The following FMN1 variants were observed in gnomAD, a reference collection of about 807,000 sequenced individuals.
The protein encoded by FMN1 is formin-1.
In FMN1, 110 loss-of-function variants were observed where a neutral mutation model predicts 132.4. That is an observed-to-expected ratio of 0.83 (90% CI 0.71 to 0.97). The LOEUF (loss-of-function observed/expected upper bound fraction) is 0.97, where lower values mean the gene tolerates loss of function less well. FMN1 is among the 50% of genes least tolerant of loss of function. FMN1 has a pLI of 0.00. For missense variants in FMN1, 1,792 were observed against 1,705.3 expected, an observed-to-expected ratio of 1.05 and a Z score of -0.90; for synonymous variants, 722 against 651.7, an observed-to-expected ratio of 1.11 and a Z score of -1.64.
intron 6 of FMN1, among the ~76,000 whole-genome samples, chr15:33,056,585 G>A (rs749826774): frequency 4.6e-5 from 7 of 152,042 alleles, no homozygotes; most frequent in Admixed American, 6.6e-5. Flanking sequence ...CCTCCATTTG[G>A]GTTACAGTTC....
chr15:32,978,458 AT>A (rs1252455184), intron 7 of FMN1, among the ~76,000 whole-genome samples: 1 of 152,174 alleles, frequency 6.6e-6, no homozygotes, highest in African/African-American at 2.4e-5. Flanking sequence ...TTCAGACTCT[AT>A]TTTTCCAAAA....
chr15:33,129,158 C>A (rs1346723182), intron 4 of FMN1, among the ~76,000 whole-genome samples: 1 of 152,200 alleles, frequency 6.6e-6, no homozygotes, highest in African/African-American at 2.4e-5. Flanking sequence ...TTTTAAAGCT[C>A]AATGTAACTC....
At chr15:33,065,210 A>G in intron 5 of FMN1, 136 bp from the exon 6 acceptor site, 1 of 545,930 alleles carries the variant, frequency 1.8e-6, no homozygotes, top group Non-Finnish European at 3.2e-6. Flanking sequence ...TATAATTCAG[A>G]TATCTCACTA....
At chr15:32,874,063 C>G (rs1336394717) in intron 16 of FMN1, among the ~76,000 whole-genome samples, 1 of 139,768 alleles carries the variant, frequency 7.2e-6, no homozygotes, top group African/African-American at 2.7e-5. Context: ...CTGTCAGTCA[C>G]CAGGCTGCAG....
rs113124267 is a variant in FMN1, at chr15:32,877,571, C to G, written c.3835+10601G>C. 5.3e-5 allele frequency among the ~76,000 whole-genome samples: 8 copies of G among 152,240 alleles called. 1 individual carries two copies. Among genetic ancestry groups the G allele is most frequent in the African/African-American group, 1.9e-4 (8 of 41,548 alleles). ...GAAATAGCATAGTAAGAATAATCAT[C>G]TCAGAAATTCAGGAGTTGGAATATA... On this transcript the variant is annotated intron_variant, in intron 16 of 20. Transcript: ENST00000616417.
chr15:32,870,719 C>A (rs866283285), intron 16 of FMN1, among the ~76,000 whole-genome samples: 32 of 152,244 alleles, frequency 2.1e-4, no homozygotes, highest in Middle Eastern at 6.8e-3. Context: ...CTACCCATGA[C>A]GAGGCCTAAA....
chr15:33,103,072 C>T (rs1315973466), intron 4 of FMN1, among the ~76,000 whole-genome samples: 1 of 152,028 alleles, frequency 6.6e-6, no homozygotes, highest in African/African-American at 2.4e-5. Context: ...TGACACAGTG[C>T]CTGTGTTTAG....
At chr15:32,839,596 C>T (rs2058701462) in intron 17 of FMN1, among the ~76,000 whole-genome samples, 1 of 152,076 alleles carries the variant, frequency 6.6e-6, no homozygotes, top group Non-Finnish European at 1.5e-5. Flanking sequence ...TATCTGCCTA[C>T]ATCAGAAGCT....
intron 6 of FMN1, among the ~76,000 whole-genome samples, chr15:33,046,472 A>G (rs112841508): frequency 0.017 from 2,551 of 152,346 alleles, 40 homozygotes; most frequent in Non-Finnish European, 0.025. Context: ...CTGCGTGCTA[A>G]GCAGAATGGC....
At chr15:32,845,083 G>A (rs1432558479) in intron 17 of FMN1, among the ~76,000 whole-genome samples, 3 of 152,210 alleles carry the variant, frequency 2.0e-5, no homozygotes, top group African/African-American at 7.2e-5. Context: ...AGGCAATACA[G>A]GTGTTAAGCT....
At chr15:33,052,966 G>A (rs1248902945) in intron 6 of FMN1, among the ~76,000 whole-genome samples, 1 of 139,196 alleles carries the variant, frequency 7.2e-6, no homozygotes, top group Non-Finnish European at 1.5e-5. Context: ...CACAGGCAGA[G>A]AAACCACCTG....
At position 33,128,530 on chromosome 15, in the gene FMN1, T is replaced by C. The variant is rs188652031; in HGVS notation, c.1867+24518A>G. Among the ~76,000 whole-genome samples the C allele has an allele frequency of 9.8e-4, 149 of 152,346 alleles. 1 individual carries two copies. The highest frequency in any genetic ancestry group is 6.8e-3 in the Middle Eastern group (2 of 294). ...TTACACTGAGAATGAAACAGCGTGA[T>C]ATGTTAAGTAAACACATACCGAGTC... On this transcript the variant is annotated intron_variant, in intron 4 of 20. Coordinates refer to ENST00000616417, the MANE Select transcript of FMN1 (RefSeq NM_001277313.2).
chr15:32,823,133 A>G (rs2058265810), intron 17 of FMN1, among the ~76,000 whole-genome samples: 1 of 149,518 alleles, frequency 6.7e-6, no homozygotes, highest in Non-Finnish European at 1.5e-5. Context: ...GTCTGTCTCA[A>G]AGACAGAGAG....
intron 6 of FMN1, among the ~76,000 whole-genome samples, chr15:33,043,247 G>T (rs1314247631): frequency 6.6e-6 from 1 of 152,120 alleles, no homozygotes; most frequent in Non-Finnish European, 1.5e-5. Context: ...TCCTCCTTAC[G>T]TTTTCATGTC....
intron 17 of FMN1, among the ~76,000 whole-genome samples, chr15:32,818,454 TTAAAA>T (rs1203763883): frequency 5.9e-5 from 9 of 152,188 alleles, no homozygotes; most frequent in African/African-American, 2.2e-4. Context: ...TGAAGGATTA[TTAAAA>T]TATTACCAAA....
At chr15:32,819,058 C>G (rs2058135092) in intron 17 of FMN1, among the ~76,000 whole-genome samples, 1 of 152,094 alleles carries the variant, frequency 6.6e-6, no homozygotes, top group Non-Finnish European at 1.5e-5. Context: ...TGTGATTGCA[C>G]TTCAGGGAGA....
intron 13 of FMN1, 45 bp from the exon 14 acceptor site, chr15:32,900,170 C>T (rs1238525780): frequency 1.2e-6 from 2 of 1,600,644 alleles, no homozygotes; most frequent in South Asian, 1.1e-5. Context: ...ACTCCAAATG[C>T]ACCCATGTTC....
intron 19 of FMN1, among the ~76,000 whole-genome samples, chr15:32,795,748 CGAT>C (rs965214445): frequency 5.3e-5 from 8 of 152,138 alleles, no homozygotes; most frequent in African/African-American, 1.9e-4. Context: ...AGGGGCAGCA[CGAT>C]GACTGAGTGG....
intron 3 of FMN1, among the ~76,000 whole-genome samples, chr15:33,171,131 C>T (rs956291800): frequency 6.6e-6 from 1 of 152,070 alleles, no homozygotes; most frequent in Non-Finnish European, 1.5e-5. Context: ...AGACAAGTAT[C>T]GCATGTTTTC....
Sources: allele counts gnomAD v4.1 joint callset (sites outside exome capture counted in the v4.1 genomes callset), GRCh38; gene constraint gnomAD v4.1.1; transcripts MANE v1.5; gene names NCBI Gene and HGNC (gene_info 2026-07-23, HGNC 2026-07-21).